The following PRF1 variants were observed in gnomAD, a reference collection of about 807,000 sequenced individuals.
PRF1 encodes perforin-1.
PRF1 carries 11 observed loss-of-function variants against 11.7 expected under a neutral mutation model. The observed-to-expected ratio is 0.94, with a 90% CI of 0.59 to 1.56. The LOEUF is 1.56. Ranked by LOEUF, PRF1 falls within the 40% of genes most tolerant of loss-of-function variation. The pLI, the probability that PRF1 is intolerant of heterozygous loss-of-function variation, is 0.00. For synonymous variants in PRF1, 314 were observed against 327.8 expected, an observed-to-expected ratio of 0.96 and a Z score of 0.45; for missense variants, 729 against 751.0, an observed-to-expected ratio of 0.97 and a Z score of 0.34.
chr10:70,597,795 T>C lies in PRF1; in HGVS notation c.*258A>G. The C allele has an allele frequency of 1.7e-6, 1 of 604,438 alleles. No homozygotes were observed. The highest frequency in any genetic ancestry group is 2.0e-5 in the South Asian group (1 of 49,634). The allele number at this position is 604,438 out of a possible 1,614,324, so 37.4% of individuals were successfully genotyped here. On this transcript the variant is annotated 3_prime_UTR_variant, in exon 3 of 3. Transcript: ENST00000441259. ...CTGGGCCACGTTGGAAGAAGAATTG[T>C]GTTGGGCCACATGTAAAATCCACTA...
chr10:70,601,028 C>T, intron 1 of PRF1, 96 bp from the exon 2 acceptor site: 1 of 1,456,786 alleles, frequency 6.9e-7, no homozygotes, highest in Non-Finnish European at 9.2e-7. Context: ...GCTGAGATAT[C>T]TCTTAAGTCA....
chr10:70,600,232 C>T lies in PRF1; in HGVS notation c.539+132G>A, dbSNP rs986147116. ...GCTGAATCACCTGAAGTCTGAGAGC[C>T]AGGATTGCAGTTTCTTCCTGGTGGA... On this transcript the variant is annotated intron_variant, in intron 2 of 2. Coordinates refer to ENST00000441259, the MANE Select transcript of PRF1 (RefSeq NM_001083116.3). The surrounding 1 kb of genome is among the most constrained non-coding windows in gnomAD (Gnocchi z 4.9). 4 of 1,485,282 alleles carry T rather than the reference C, an allele frequency of 2.7e-6. No homozygotes were observed. In the East Asian group the frequency reaches 9.9e-5, roughly 37 times the overall value. 92.0% of individuals were successfully genotyped at this position (1,485,282 alleles called of 1,614,324 possible). A position where few individuals can be genotyped will look rare whatever the true frequency, so the allele number is the denominator to read the frequency against.
rs150628656 is a variant in PRF1 at position 70,598,855 on chromosome 10, G to A, written c.866C>T (p.Thr289Met). 88 of 1,614,140 alleles carry A rather than the reference G, an allele frequency of 5.5e-5. No individual in the cohort carries two copies. The highest frequency in any genetic ancestry group is 3.9e-4 in the African/African-American group (29 of 74,952). Residue 289 changes from threonine to methionine, a missense_variant, in exon 3 of 3, where the codon ACG becomes ATG. By Grantham distance (81) the Thr-to-Met change is moderately conservative. Transcript: ENST00000441259. ...CCGGTAGGTTTGGTGGAAGGAGGCC[G>A]TCATCTTGTGCTTCTTCTTCTTCTC... ...CEEKKKKHKMTASFHQTYRER... is the reference protein window; with the variant it reads ...CEEKKKKHKMMASFHQTYRER...
In PRF1 at chr10:70,598,913, C is replaced by T. The variant is rs143043887; in HGVS notation, c.808G>A (p.Gly270Ser). The T allele has an allele frequency of 2.0e-5, 33 of 1,614,122 alleles. No individual in the cohort carries two copies. The East Asian group carries it at 2.2e-4, about 11-fold the overall frequency. ...GCCTTGGCTTCGGCAGAGATGCTGCCGTGGATGCCTATGTTGACCTGGGCC... is the reference window on the plus strand; with the variant it reads ...GCCTTGGCTTCGGCAGAGATGCTGCTGTGGATGCCTATGTTGACCTGGGCC... ...VEAQVNIGIH[G>S]SISAEAKACE... Residue 270 changes from glycine to serine, a missense_variant, in exon 3 of 3, where the codon GGC becomes AGC. By Grantham distance (56) the Gly-to-Ser change is moderately conservative. Coordinates refer to ENST00000441259, the MANE Select transcript of PRF1 (RefSeq NM_001083116.3).
At chr10:70,601,681 T>C (rs1848231909) in intron 1 of PRF1, among the ~76,000 whole-genome samples, 1 of 151,468 alleles carries the variant, frequency 6.6e-6, no homozygotes, top group Non-Finnish European at 1.5e-5. Context: ...ATACAAAAAT[T>C]AGCTGGGCAT....
rs898748020 is a variant in PRF1 at position 70,598,531 on chromosome 10, C to A, written c.1190G>T (p.Cys397Phe). 4.3e-6 allele frequency: 7 copies of A among 1,613,328 alleles called. No homozygotes were observed. The highest frequency in any genetic ancestry group is 5.1e-6 in the Non-Finnish European group (6 of 1,179,942). Reference protein sequence around the residue: ...KSPRDPCQCVCHGSAVTTQDC... With the variant: ...KSPRDPCQCVFHGSAVTTQDC... ...CTGGGTGGTGACCGCTGAGCCATGG[C>A]ACACACACTGGCATGGGTCTCGGGG... The change falls in exon 3 of 3, where the codon TGC becomes TTC. Residue 397 changes from cysteine to phenylalanine, a missense_variant. Coordinates refer to ENST00000441259, the MANE Select transcript of PRF1 (RefSeq NM_001083116.3).
At chr10:70,602,324 G>A (rs3758562) in intron 1 of PRF1, among the ~76,000 whole-genome samples, 104,293 of 152,036 alleles carry the variant, frequency 0.69, 35,868 homozygotes, top group East Asian at 0.75. Flanking sequence ...GCTAGGAGGC[G>A]GGCACAGTCA....
rs1848210220 is a variant in PRF1, at chr10:70,600,555, A to G, written c.348T>C (p.Ala116=). The G allele has an allele frequency of 6.2e-7, 1 of 1,614,148 alleles. No homozygotes were observed. The highest frequency in any genetic ancestry group is 1.3e-5 in the African/African-American group (1 of 75,072). The change falls in exon 2 of 3, where the codon GCT becomes GCC. Residue 116 remains alanine, a synonymous_variant. Transcript: ENST00000441259. This position sits in a 1 kb window ranked among gnomAD's most constrained non-coding sequence, Gnocchi z 4.9. The part of the protein sequence containing the change: ...VTRAKVSSTE[A]VARDAARSIR... Reference sequence around the variant, plus strand: ...TGCTACGAGCCGCATCCCGGGCCACAGCTTCAGTGGAGCTGACTTTGGCCC... The same window carrying G: ...TGCTACGAGCCGCATCCCGGGCCACGGCTTCAGTGGAGCTGACTTTGGCCC...
rs1209761614 is a variant in PRF1, at chr10:70,597,441, T to C, written c.*612A>G. ...CTCCATTTGTCTCAGGGGCAAAGCA[T>C]TGTGGGCAAAGAAGACAGAGCAGCT... On this transcript the variant is annotated 3_prime_UTR_variant, in exon 3 of 3. Transcript: ENST00000441259. The C allele has an allele frequency of 2.7e-6, 1 of 369,904 alleles. No homozygotes were observed. The highest frequency in any genetic ancestry group is 2.1e-5 in the African/African-American group (1 of 48,038). The allele number at this position is 369,904 out of a possible 1,614,324, so 22.9% of individuals were successfully genotyped here. A position where few individuals can be genotyped will look rare whatever the true frequency, so the allele number is the denominator to read the frequency against.
intron 1 of PRF1, 91 bp from the exon 2 acceptor site, chr10:70,601,023 G>A (rs1177296713): frequency 1.4e-6 from 2 of 1,476,014 alleles, no homozygotes; most frequent in Non-Finnish European, 1.8e-6. Context: ...GAGGGGCTGA[G>A]ATATCTCTTA....
chr10:70,602,152 C>T (rs900212053), intron 1 of PRF1, among the ~76,000 whole-genome samples: 1 of 152,138 alleles, frequency 6.6e-6, no homozygotes, highest in South Asian at 2.1e-4. Context: ...CCTTGGGTAC[C>T]ACAGGTTCTG....
chr10:70,599,634 C>T (rs940714213), intron 2 of PRF1, among the ~76,000 whole-genome samples: 40 of 152,170 alleles, frequency 2.6e-4, no homozygotes, highest in Admixed American at 2.6e-3. Flanking sequence ...AATGATCCTG[C>T]ACTGATGGTA....
Position 70,597,619 on chromosome 10 carries a change from G to C in PRF1, c.*434C>G. On this transcript the variant is annotated 3_prime_UTR_variant, in exon 3 of 3. Transcript: ENST00000441259. Reference sequence around the variant, plus strand: ...CCTGGCTGAAGCTGTGATCTGTGTAGCTGTGACTGCAGGGCTTGAGAATGG... The same window carrying C: ...CCTGGCTGAAGCTGTGATCTGTGTACCTGTGACTGCAGGGCTTGAGAATGG... 1.8e-6 allele frequency: 1 copy of C among 564,868 alleles called. No individual in the cohort carries two copies. The highest frequency in any genetic ancestry group is 4.6e-4 in the Middle Eastern group (1 of 2,188). 35.0% of individuals were successfully genotyped at this position (564,868 alleles called of 1,614,324 possible). A position where few individuals can be genotyped will look rare whatever the true frequency, so the allele number is the denominator to read the frequency against.
Position 70,597,991 on chromosome 10 carries a change from TG to T in PRF1, c.*61del. 1 of 1,592,440 alleles carries T rather than the reference TG, an allele frequency of 6.3e-7. No homozygotes were observed. Among genetic ancestry groups the T allele is most frequent in the Non-Finnish European group, 8.5e-7 (1 of 1,171,902 alleles). ...TCTAATGGGAATACGAAGACAGCCC[TG>T]GCTCCCACTGTGAGAACCCCTTCAG... On this transcript the variant is annotated 3_prime_UTR_variant, in exon 3 of 3. Transcript: ENST00000441259.
rs1362571896 is a variant in PRF1, at chr10:70,598,107, G to A, written c.1614C>T (p.Val538=). 1.2e-6 allele frequency: 2 copies of A among 1,614,086 alleles called. No individual in the cohort carries two copies. Among genetic ancestry groups the A allele is most frequent in the African/African-American group, 1.3e-5 (1 of 75,024 alleles). ...HLGGGTCLDY[V]PQMLLGEPPG... is the part of the protein sequence containing the mutation. ...GAGGCTCCCCCAGAAGCATTTGGGG[G>A]ACATAGTCCAGGCAGGTGCCTCCTC... The change falls in exon 3 of 3, where the codon GTC becomes GTT. Residue 538 remains valine, a synonymous_variant. Coordinates refer to ENST00000441259, the MANE Select transcript of PRF1 (RefSeq NM_001083116.3).
Position 70,597,948 on chromosome 10 carries a change from C to G in PRF1, c.*105G>C. On this transcript the variant is annotated 3_prime_UTR_variant, in exon 3 of 3. Transcript: ENST00000441259. ...GCCATCCTGGGCCGCATGCGGGCCT[C>G]GGGTTGGACAAGCTTGGTCTAATGG... 1 of 1,470,996 alleles carries G rather than the reference C, an allele frequency of 6.8e-7. No individual in the cohort carries two copies. The highest frequency in any genetic ancestry group is 1.4e-5 in the African/African-American group (1 of 71,780). The allele number at this position is 1,470,996 out of a possible 1,614,324, so 91.1% of individuals were successfully genotyped here.
rs374948681 is a variant in PRF1, at chr10:70,600,510, G to A, written c.393C>T (p.Val131=). The change falls in exon 2 of 3, where the codon GTC becomes GTT. Residue 131 remains valine, a synonymous_variant. Coordinates refer to ENST00000441259, the MANE Select transcript of PRF1 (RefSeq NM_001083116.3). This position sits in a 1 kb window ranked among gnomAD's most constrained non-coding sequence, Gnocchi z 4.9. ...AARSIRNDWK[V]GLDVTPKPTS... ...TGGGCTTAGGAGTCACGTCCAGCCC[G>A]ACCTTCCAGTCGTTGCGGATGCTAC... 80 of 1,614,022 alleles carry A rather than the reference G, an allele frequency of 5.0e-5. No individual in the cohort carries two copies. The highest frequency in any genetic ancestry group is 6.3e-5 in the Non-Finnish European group (74 of 1,180,042).
chr10:70,599,241 TA>T, intron 2 of PRF1, 60 bp from the exon 3 acceptor site: 9 of 1,594,266 alleles, frequency 5.6e-6, no homozygotes, highest in Non-Finnish European at 7.7e-6. Flanking sequence ...TTCAATCAAA[TA>T]ACTCCTTCAG....
Position 70,597,553 on chromosome 10 carries a change from A to C in PRF1, c.*500T>G. The C allele has an allele frequency of 2.2e-6, 1 of 453,792 alleles. No homozygotes were observed. Among genetic ancestry groups the C allele is most frequent in the South Asian group, 7.1e-5 (1 of 14,172 alleles). 28.1% of individuals were successfully genotyped at this position (453,792 alleles called of 1,614,324 possible). On this transcript the variant is annotated 3_prime_UTR_variant, in exon 3 of 3. Transcript: ENST00000441259. ...GAAGGGTCCTAAAAGACCAGCCCTGAGCAGCCTGGTGGGAACAGCCTCTTG... is the reference window on the plus strand; with the variant it reads ...GAAGGGTCCTAAAAGACCAGCCCTGCGCAGCCTGGTGGGAACAGCCTCTTG...
Sources: gnomAD v4.1 joint callset for allele counts (sites outside exome capture counted in the v4.1 genomes callset) on GRCh38, gnomAD v4.1.1 for gene constraint, Gnocchi (gnomAD v3.1) non-coding constraint, MANE v1.5 for transcripts, NCBI Gene and HGNC (gene_info 2026-07-23, HGNC 2026-07-21) for gene names.